The following SLC66A3 variants were observed in gnomAD, a reference collection of about 807,000 sequenced individuals.
SLC66A3 encodes solute carrier family 66 member 3.
Under a neutral mutation model 25.5 loss-of-function variants are expected in SLC66A3, and 23 were observed. The observed-to-expected ratio is 0.90, with a 90% CI of 0.65 to 1.28. The LOEUF is 1.28. Among genes scored for constraint, SLC66A3 ranks in the 50% most tolerant of loss-of-function variants. The pLI is 0.00. For synonymous variants in SLC66A3, 108 were observed against 112.6 expected, an observed-to-expected ratio of 0.96 and a Z score of 0.26; for missense variants, 246 against 262.1, an observed-to-expected ratio of 0.94 and a Z score of 0.42.
intron 1 of SLC66A3, among the ~76,000 whole-genome samples, chr2:11,158,010 G>C (rs144032262): frequency 0.013 from 1,963 of 152,266 alleles, 19 homozygotes; most frequent in Non-Finnish European, 0.019. Context: ...CTTGGCCTCT[G>C]GGTAGGATGC....
At chr2:11,175,121 A>C (rs1662692595) in intron 6 of SLC66A3, 112 bp downstream of exon 6, 1 of 751,342 alleles carries the variant, frequency 1.3e-6, no homozygotes, top group Admixed American at 2.6e-5. Context: ...TGGATTATAG[A>C]TTTAGAAGAT....
chr2:11,176,827 C>T (rs1662770229), intron 6 of SLC66A3, among the ~76,000 whole-genome samples: 1 of 152,136 alleles, frequency 6.6e-6, no homozygotes, highest in South Asian at 2.1e-4. Flanking sequence ...CGCGCCCGGC[C>T]AGGGAATAAC....
chr2:11,162,272 T>C (rs1662154697), intron 3 of SLC66A3, among the ~76,000 whole-genome samples: 1 of 152,222 alleles, frequency 6.6e-6, no homozygotes, highest in Non-Finnish European at 1.5e-5. Flanking sequence ...CTCTGCTGCC[T>C]CAGTTTCTGT....
At chr2:11,172,691 A>G in intron 5 of SLC66A3, 1 of 396,272 alleles carries the variant, frequency 2.5e-6, no homozygotes, top group South Asian at 1.9e-5. Flanking sequence ...TATATTCAAC[A>G]AGTTACTTGT....
intron 3 of SLC66A3, chr2:11,160,900 C>G: frequency 1.2e-6 from 1 of 813,638 alleles, no homozygotes; most frequent in South Asian, 1.9e-5. Context: ...CCAGCATGCC[C>G]TGGGCGGTGC....
intron 5 of SLC66A3, among the ~76,000 whole-genome samples, chr2:11,174,627 G>A (rs567327377): frequency 6.6e-6 from 1 of 151,824 alleles, no homozygotes; most frequent in East Asian, 1.9e-4. Context: ...CTCCTGAGTA[G>A]CTGGGATTAC....
rs750196329 is a variant in SLC66A3, at chr2:11,177,720, T to C, written c.518-17T>C. ...ATTGTAAAGACAGTTTTTAATACAC[T>C]TTTTTTTTTATTTCAGTTCTTCTAC... On this transcript the variant is annotated splice_polypyrimidine_tract_variant and intron_variant, in intron 6 of 6. Coordinates refer to ENST00000295083, the MANE Select transcript of SLC66A3 (RefSeq NM_152391.5). 2 of 1,264,052 alleles carry C rather than the reference T, an allele frequency of 1.6e-6. No homozygotes were observed. Among genetic ancestry groups the C allele is most frequent in the Admixed American group, 3.9e-5 (2 of 50,718 alleles). 78.3% of individuals were successfully genotyped at this position (1,264,052 alleles called of 1,614,324 possible).
At chr2:11,160,916 G>A in intron 3 of SLC66A3, 1 of 687,216 alleles carries the variant, frequency 1.5e-6, no homozygotes, top group East Asian at 2.8e-5. Flanking sequence ...GGTGCCAGCA[G>A]GCCGAGTGGA....
chr2:11,158,209 G>A (rs1017751080), intron 1 of SLC66A3, among the ~76,000 whole-genome samples: 1 of 152,200 alleles, frequency 6.6e-6, no homozygotes, highest in Non-Finnish European at 1.5e-5. Flanking sequence ...GCACTATAGC[G>A]ATTACTTATT....
At chr2:11,168,178 A>G (rs1662417979) in intron 4 of SLC66A3, among the ~76,000 whole-genome samples, 1 of 151,648 alleles carries the variant, frequency 6.6e-6, no homozygotes, top group Non-Finnish European at 1.5e-5. Flanking sequence ...CCAGCTACTC[A>G]GGAGGGTGAG....
At chr2:11,164,498 C>T (rs550726733) in intron 4 of SLC66A3, among the ~76,000 whole-genome samples, 23 of 94,550 alleles carry the variant, frequency 2.4e-4, no homozygotes, top group Non-Finnish European at 3.5e-4. Flanking sequence ...TGTGCCACCA[C>T]ACCCAGCTAA....
At chr2:11,165,162 GA>G (rs1339918060) in intron 4 of SLC66A3, among the ~76,000 whole-genome samples, 1 of 150,566 alleles carries the variant, frequency 6.6e-6, no homozygotes, top group Admixed American at 6.6e-5. Context: ...GGCGGGGGCT[GA>G]CCCCCCACCT....
chr2:11,161,373 G>A (rs570650914), intron 3 of SLC66A3, among the ~76,000 whole-genome samples: 3 of 151,988 alleles, frequency 2.0e-5, no homozygotes, highest in East Asian at 1.9e-4. Context: ...TGACCTCCTC[G>A]GTCAAGCTTG....
chr2:11,175,977 G>A (rs905276305), intron 6 of SLC66A3, among the ~76,000 whole-genome samples: 3 of 152,176 alleles, frequency 2.0e-5, no homozygotes, highest in Non-Finnish European at 2.9e-5. Flanking sequence ...TCTGATGATA[G>A]GACTAAAATT....
At chr2:11,176,949 T>C (rs72785460) in intron 6 of SLC66A3, among the ~76,000 whole-genome samples, 6,458 of 152,268 alleles carry the variant, frequency 0.042, 276 homozygotes, top group Non-Finnish European at 0.06. Context: ...AAGTAGAAGT[T>C]AAGTCACTGT....
intron 4 of SLC66A3, among the ~76,000 whole-genome samples, chr2:11,165,151 G>A (rs1363861747): frequency 2.6e-5 from 4 of 151,422 alleles, no homozygotes; most frequent in East Asian, 3.9e-4. Flanking sequence ...GCGGCTGGCC[G>A]GGCGGGGGCT....
At chr2:11,157,521 G>C (rs4668716) in intron 1 of SLC66A3, among the ~76,000 whole-genome samples, 67,066 of 152,004 alleles carry the variant, frequency 0.44, 15,083 homozygotes, top group East Asian at 0.5. Flanking sequence ...GGCCCACCTG[G>C]GGCTGGCCAT....
chr2:11,176,780 G>T (rs369460742), intron 6 of SLC66A3, among the ~76,000 whole-genome samples: 1 of 118,232 alleles, frequency 8.5e-6, no homozygotes, highest in Non-Finnish European at 1.8e-5. Flanking sequence ...CGCCCGCCTC[G>T]GCCTCCCAAA....
In SLC66A3 at chr2:11,176,496, G is replaced by A. The variant is rs1662748559; in HGVS notation, c.518-1241G>A. 2.7e-5 allele frequency among the ~76,000 whole-genome samples: 4 copies of A among 149,374 alleles called. No homozygotes were observed. The South Asian group carries it at 8.4e-4, about 32-fold the overall frequency. On this transcript the variant is annotated intron_variant, in intron 6 of 6. Transcript: ENST00000295083. ...CTCCCAAAGTGCTGGGATTACAGGC[G>A]TGTGCCACCGCGCCCGGCCTGGGAA...
Sources: allele counts gnomAD v4.1 joint callset (sites outside exome capture counted in the v4.1 genomes callset), GRCh38; gene constraint gnomAD v4.1.1; transcripts MANE v1.5; gene names NCBI Gene and HGNC (gene_info 2026-07-23, HGNC 2026-07-21).